DBF4: variants seen among roughly 807,000 people sequenced by gnomAD.
The protein encoded by DBF4 is DBF4-CDC7 kinase regulatory subunit.
Under a neutral mutation model 76.6 loss-of-function variants are expected in DBF4, and 25 were observed. The observed-to-expected ratio is 0.33, with a 90% CI of 0.24 to 0.46. The LOEUF (loss-of-function observed/expected upper bound fraction) is 0.46. Ranked by LOEUF, DBF4 falls within the 20% of genes least tolerant of loss-of-function variation. DBF4 has a pLI of 1.00. For synonymous variants in DBF4, 213 were observed against 258.0 expected (o/e 0.83, Z 1.67); for missense variants, 638 against 760.8 (o/e 0.84, Z 1.90).
In DBF4 at chr7:87,876,696, T is replaced by C; in HGVS notation, c.-37T>C. The C allele has an allele frequency of 1.9e-6, 3 of 1,613,188 alleles. No homozygotes were observed. The highest frequency in any genetic ancestry group is 2.2e-5 in the East Asian group (1 of 44,850). The stretch of plus-strand genomic sequence containing the variant: ...TTTCGCGGCTGCCCGGTGCGACACT[T>C]TCTCCGGACCCAGCATGTAGGTGCC... On this transcript the variant is annotated 5_prime_UTR_variant, in exon 1 of 12. Coordinates refer to ENST00000265728, the MANE Select transcript of DBF4 (RefSeq NM_006716.4).
At chr7:87,876,849 T>G in intron 1 of DBF4, 71 bp downstream of exon 1, 5 of 1,541,916 alleles carry the variant, frequency 3.2e-6, no homozygotes, top group East Asian at 2.3e-5. Flanking sequence ...CATTGATTCT[T>G]CAGACTTCTC....
chr7:87,888,977 A>G (rs1839425342), intron 6 of DBF4, among the ~76,000 whole-genome samples: 1 of 152,234 alleles, frequency 6.6e-6, no homozygotes, highest in African/African-American at 2.4e-5. Flanking sequence ...AAGAGTGTAT[A>G]TAGAGACATG....
chr7:87,887,486 T>G, intron 5 of DBF4, 88 bp downstream of exon 5: 1 of 1,378,518 alleles, frequency 7.3e-7, no homozygotes, highest in Non-Finnish European at 9.7e-7. Flanking sequence ...AGTGAAATTT[T>G]GATAGCAGGG....
At chr7:87,907,068 C>T (rs2131080851) in intron 11 of DBF4, 120 bp from the exon 12 acceptor site, 1 of 1,076,238 alleles carries the variant, frequency 9.3e-7, no homozygotes, top group East Asian at 2.9e-5. Context: ...GTAAAATTTC[C>T]TAAGTTAAAT....
At chr7:87,888,083 A>G (rs1357717342) in intron 6 of DBF4, 24 bp downstream of exon 6, 4 of 1,541,176 alleles carry the variant, frequency 2.6e-6, no homozygotes, top group Admixed American at 2.3e-5. Flanking sequence ...TTCAATTTTT[A>G]AAGTGACCAA....
rs1422148334 is a variant in DBF4, at chr7:87,886,555, AAAAG to A, written c.400-288_400-285del. On this transcript the variant is annotated intron_variant, in intron 3 of 11. Coordinates refer to ENST00000265728, the MANE Select transcript of DBF4 (RefSeq NM_006716.4). ...GTCTCCAAAAAAAAAAAAAAAAAAA[AAAAG>A]GTGAAATAACATGTGAAAACAGTAT... Among the ~76,000 whole-genome samples the A allele has an allele frequency of 2.0e-5, 3 of 151,390 alleles. No individual in the cohort carries two copies. In the East Asian group the frequency reaches 5.8e-4, roughly 29 times the overall value.
At chr7:87,894,374 G>A (rs914470481) in intron 6 of DBF4, among the ~76,000 whole-genome samples, 1 of 152,144 alleles carries the variant, frequency 6.6e-6, no homozygotes, top group South Asian at 2.1e-4. Flanking sequence ...GTGGCATGAT[G>A]GCCTTAGCCC....
intron 10 of DBF4, 108 bp from the exon 11 acceptor site, chr7:87,904,184 T>C: frequency 3.5e-6 from 4 of 1,152,358 alleles, no homozygotes; most frequent in Non-Finnish European, 4.8e-6. Context: ...GGAGTAGTTA[T>C]TGGAAACCTA....
intron 3 of DBF4, among the ~76,000 whole-genome samples, chr7:87,886,431 A>C (rs1165758863): frequency 6.2e-5 from 9 of 145,188 alleles, no homozygotes; most frequent in African/African-American, 2.3e-4. Context: ...GCTACTTGGG[A>C]GGCTGGGGCA....
chr7:87,905,273 C>T (rs117694123), intron 11 of DBF4, among the ~76,000 whole-genome samples: 299 of 152,314 alleles, frequency 2.0e-3, no homozygotes, highest in Middle Eastern at 6.8e-3. Flanking sequence ...TGTATTTTGA[C>T]GCAATTTTAT....
chr7:87,891,821 A>T (rs1839499626), intron 6 of DBF4, among the ~76,000 whole-genome samples: 2 of 151,904 alleles, frequency 1.3e-5, no homozygotes, highest in Non-Finnish European at 2.9e-5. Flanking sequence ...TTGGGTTTAT[A>T]TTTCTATTTG....
At position 87,887,319 on chromosome 7, in the gene DBF4, T is replaced by G. The variant is rs1235797630; in HGVS notation, c.451-10T>G. On this transcript the variant is annotated splice_polypyrimidine_tract_variant and intron_variant, in intron 4 of 11. Transcript: ENST00000265728. ...TTCCTAGAACAACCATAAAACTTTT[T>G]TTTTTACAGGATTTTATTCCTTCAA... 2 of 1,502,092 alleles carry G rather than the reference T, an allele frequency of 1.3e-6. No homozygotes were observed. The highest frequency in any genetic ancestry group is 2.8e-5 in the African/African-American group (2 of 71,366). The allele number at this position is 1,502,092 out of a possible 1,614,324, so 93.0% of individuals were successfully genotyped here.
intron 6 of DBF4, among the ~76,000 whole-genome samples, chr7:87,893,236 C>CTTTTTT (rs869114624): frequency 1.4e-4 from 18 of 126,738 alleles, no homozygotes; most frequent in African/African-American, 4.3e-4. Flanking sequence ...ATTTAATATT[C>CTTTTTT]TTTTTTTTTT....
At chr7:87,901,880 GAAT>G (rs1250668424) in intron 10 of DBF4, among the ~76,000 whole-genome samples, 1 of 152,194 alleles carries the variant, frequency 6.6e-6, no homozygotes, top group Non-Finnish European at 1.5e-5. Flanking sequence ...TAAGGGGAAA[GAAT>G]AATACTGGAA....
At chr7:87,894,976 T>C (rs1299982654) in intron 6 of DBF4, among the ~76,000 whole-genome samples, 1 of 152,174 alleles carries the variant, frequency 6.6e-6, no homozygotes. Flanking sequence ...TCTCCCCTCT[T>C]TTTCCACCAT....
intron 8 of DBF4, among the ~76,000 whole-genome samples, chr7:87,899,474 G>A (rs1036391318): frequency 1.3e-5 from 2 of 152,170 alleles, no homozygotes; most frequent in African/African-American, 4.8e-5. Context: ...TTCCAGAGGT[G>A]ATACACAAAT....
At chr7:87,902,942 T>A (rs188436906) in intron 10 of DBF4, among the ~76,000 whole-genome samples, 241 of 152,218 alleles carry the variant, frequency 1.6e-3, no homozygotes, top group African/African-American at 5.6e-3. Context: ...TAAGTACAAT[T>A]CCCTCCCTGA....
In DBF4 at chr7:87,876,580, C is replaced by T. The variant is rs1041787733; in HGVS notation, c.-153C>T. 3 of 794,602 alleles carry T rather than the reference C, an allele frequency of 3.8e-6. No homozygotes were observed. The highest frequency in any genetic ancestry group is 6.1e-6 in the Non-Finnish European group (3 of 492,742). The allele number at this position is 794,602 out of a possible 1,614,324, so 49.2% of individuals were successfully genotyped here. On this transcript the variant is annotated 5_prime_UTR_variant, in exon 1 of 12. Coordinates refer to ENST00000265728, the MANE Select transcript of DBF4 (RefSeq NM_006716.4). ...GCCGGATCCGGCCCCGGAAACCCGA[C>T]CTGCAGACGCGGTACCTCTACTGCG... is the stretch of plus-strand genomic sequence containing the variant.
chr7:87,880,748 G>A (rs1002551308), intron 2 of DBF4, among the ~76,000 whole-genome samples: 1 of 151,780 alleles, frequency 6.6e-6, no homozygotes, highest in Non-Finnish European at 1.5e-5. Context: ...ACCACTGAGA[G>A]CACAGCACCC....
Sources: gnomAD v4.1 joint callset for allele counts (sites outside exome capture counted in the v4.1 genomes callset) on GRCh38, gnomAD v4.1.1 for gene constraint, MANE v1.5 for transcripts, NCBI Gene and HGNC (gene_info 2026-07-23, HGNC 2026-07-21) for gene names.